AXDND1: variants seen among roughly 807,000 people sequenced by gnomAD.
AXDND1 encodes the protein axonemal dynein light chain domain-containing protein 1.
A neutral mutation model predicts 137.5 loss-of-function variants in AXDND1; 110 were observed. The ratio of observed to expected loss-of-function variants is 0.80; its 90% CI spans 0.69 to 0.94. AXDND1 has a LOEUF of 0.94. Among genes scored for constraint, AXDND1 ranks in the 40% least tolerant of loss-of-function variants. AXDND1 has a pLI of 0.00. For synonymous variants in AXDND1, 414 were observed against 399.7 expected (o/e 1.04, Z -0.43); for missense variants, 1,191 against 1,169.8 (o/e 1.02, Z -0.26).
chr1:179,448,436 A>G, intron 16 of AXDND1: 1 of 549,692 alleles, frequency 1.8e-6, no homozygotes, highest in Admixed American at 2.6e-5. Context: ...TTTCTTCTGC[A>G]CCATTTTCAG....
chr1:179,553,118 T>C lies in AXDND1; in HGVS notation c.3032-1394T>C, dbSNP rs372944040. On this transcript the variant is annotated intron_variant, in intron 25 of 25. Coordinates refer to ENST00000367618, the MANE Select transcript of AXDND1 (RefSeq NM_144696.6). Reference sequence around the variant, plus strand: ...CAACTGACCAAATAAGAACAACGCTTAATGTATTGCATAAAAGGTACAAAA... The same window carrying C: ...CAACTGACCAAATAAGAACAACGCTCAATGTATTGCATAAAAGGTACAAAA... Among the ~76,000 whole-genome samples, 6 of 152,328 alleles carry C rather than the reference T, an allele frequency of 3.9e-5. No individual in the cohort carries two copies. The South Asian group carries it at 8.3e-4, about 21-fold the overall frequency.
At chr1:179,470,866 A>G (rs1047672128) in intron 17 of AXDND1, among the ~76,000 whole-genome samples, 2 of 152,284 alleles carry the variant, frequency 1.3e-5, no homozygotes, top group African/African-American at 4.8e-5. Context: ...ACTATTAAGT[A>G]TAATGTTATT....
chr1:179,488,408 G>C (rs1009319314), intron 18 of AXDND1, among the ~76,000 whole-genome samples: 6 of 147,712 alleles, frequency 4.1e-5, no homozygotes, highest in Non-Finnish European at 8.9e-5. Context: ...AATTAAGTAT[G>C]TGTGTGGTTT....
rs540755903 is a variant in AXDND1 at position 179,366,805 on chromosome 1, A to G, written c.97+199A>G. 2.6e-5 allele frequency among the ~76,000 whole-genome samples: 4 copies of G among 152,240 alleles called. No homozygotes were observed. The South Asian group carries it at 8.3e-4, about 32-fold the overall frequency. ...AGTACTGTTTCACTACTCCATCTAAATACAGTTTATACTTTTTTTCAAATG... is the reference window on the plus strand; with the variant it reads ...AGTACTGTTTCACTACTCCATCTAAGTACAGTTTATACTTTTTTTCAAATG... On this transcript the variant is annotated intron_variant, in intron 2 of 25. Transcript: ENST00000367618.
chr1:179,409,761 C>T (rs1388516430), intron 11 of AXDND1, among the ~76,000 whole-genome samples: 11 of 152,142 alleles, frequency 7.2e-5, no homozygotes, highest in East Asian at 1.9e-4. Flanking sequence ...TGCAGTGATC[C>T]GAGATTGTGC....
At position 179,382,733 on chromosome 1, in the gene AXDND1, C is replaced by T. The variant is rs201321040; in HGVS notation, c.615C>T (p.Asn205=). 2.5e-6 allele frequency: 4 copies of T among 1,600,876 alleles called. No homozygotes were observed. The highest frequency in any genetic ancestry group is 2.7e-5 in the African/African-American group (2 of 74,716). ...CTACTCTCCTCACAGATAGTGAAAA[C>T]AGGCTATTGCTCTTCCCATCCATGT... ...KYTTLLTDSE[N]RLLLFPSMKP... is the part of the protein sequence containing the mutation. The change falls in exon 7 of 26, where the codon AAC becomes AAT. Residue 205 remains asparagine (N), a synonymous_variant. Transcript: ENST00000367618.
chr1:179,490,459 C>A (rs1005893698), intron 18 of AXDND1, among the ~76,000 whole-genome samples: 2 of 152,142 alleles, frequency 1.3e-5, no homozygotes, highest in East Asian at 1.9e-4. Flanking sequence ...ATTCACAGTG[C>A]CCTTTGGGTT....
At chr1:179,460,943 GA>G (rs1289309656) in intron 16 of AXDND1, among the ~76,000 whole-genome samples, 1 of 152,282 alleles carries the variant, frequency 6.6e-6, no homozygotes, top group East Asian at 1.9e-4. Flanking sequence ...TGTGGACTCT[GA>G]ATATTAGCCC....
intron 13 of AXDND1, 27 bp downstream of exon 13, chr1:179,429,646 G>A: frequency 1.4e-6 from 2 of 1,410,466 alleles, no homozygotes; most frequent in South Asian, 2.8e-5. Flanking sequence ...TTCAGTTATG[G>A]GAAAAAAAGA....
At chr1:179,438,901 G>A (rs570620373) in intron 15 of AXDND1, among the ~76,000 whole-genome samples, 6 of 152,012 alleles carry the variant, frequency 3.9e-5, no homozygotes, top group African/African-American at 7.2e-5. Context: ...CTTCTATATC[G>A]TCTCTTGAAT....
intron 4 of AXDND1, among the ~76,000 whole-genome samples, chr1:179,376,448 A>G (rs1435763017): frequency 2.6e-5 from 4 of 152,166 alleles, no homozygotes; most frequent in Admixed American, 6.5e-5. Flanking sequence ...AAGCAGACCC[A>G]TACAGTTCAA....
rs531989134 is a variant in AXDND1, at chr1:179,542,757, T to C, written c.3031+7795T>C. On this transcript the variant is annotated intron_variant, in intron 25 of 25. Transcript: ENST00000367618. Reference sequence around the variant, plus strand: ...CGGTTAAATCCAGAACTGAGAAGTTTTAATTATTTAAGGTAGAGAATAGCT... The same window carrying C: ...CGGTTAAATCCAGAACTGAGAAGTTCTAATTATTTAAGGTAGAGAATAGCT... Among the ~76,000 whole-genome samples the C allele has an allele frequency of 8.5e-5, 13 of 152,324 alleles. No homozygotes were observed. In the South Asian group the frequency reaches 2.5e-3, roughly 29 times the overall value.
At chr1:179,533,559 C>T (rs1671224536) in intron 23 of AXDND1, among the ~76,000 whole-genome samples, 1 of 149,702 alleles carries the variant, frequency 6.7e-6, no homozygotes, top group South Asian at 2.1e-4. Context: ...CAATTCAAAT[C>T]AAATTCTTAT....
chr1:179,509,360 T>C lies in AXDND1; in HGVS notation c.2453T>C (p.Ile818Thr). Residue 818 changes from isoleucine to threonine, a missense_variant, in exon 21 of 26, where the codon ATT becomes ACT. Transcript: ENST00000367618. The part of the protein sequence containing the change: ...CLLSNIKGRK[I>T]TLLTYEEIER... Reference sequence around the variant, plus strand: ...CTTTCTAATATCAAAGGCAGAAAAATTACATTATTGACATATGAAGAAATA... The same window carrying C: ...CTTTCTAATATCAAAGGCAGAAAAACTACATTATTGACATATGAAGAAATA... The C allele has an allele frequency of 6.2e-7, 1 of 1,612,624 alleles. No homozygotes were observed. Among genetic ancestry groups the C allele is most frequent in the South Asian group, 1.1e-5 (1 of 91,020 alleles).
chr1:179,393,916 C>T lies in AXDND1; in HGVS notation c.877C>T (p.Gln293Ter), dbSNP rs1650600244. ...LLSKVRERYVQMLDQIARQMI... is the reference protein window; with the variant it reads ...LLSKVRERYV ...TTTGTCATGCAGAGAGAGGTATGTG[C>T]AAATGCTTGACCAGATTGCTCGGCA... Residue 293 changes from glutamine to a stop codon, truncating the protein, a stop_gained, in exon 10 of 26, where the codon CAA becomes TAA. Transcript: ENST00000367618. LOFTEE classifies it high-confidence loss of function. The T allele has an allele frequency of 1.9e-6, 3 of 1,606,306 alleles. No homozygotes were observed. The highest frequency in any genetic ancestry group is 2.5e-6 in the Non-Finnish European group (3 of 1,177,416).
In AXDND1 at chr1:179,366,600, A is replaced by T; in HGVS notation, c.91A>T (p.Thr31Ser). 1 of 1,608,118 alleles carries T rather than the reference A, an allele frequency of 6.2e-7. No individual in the cohort carries two copies. Among genetic ancestry groups the T allele is most frequent in the East Asian group, 2.2e-5 (1 of 44,850 alleles). ...AAAAGTGTCTGTAGCCAAGGAAGGG[A>T]CAAGAGGTAAACTTCGTTGATTCTG... ...KLKVSVAKEG[T>S]RGLPELKEKK... Residue 31 changes from threonine to serine, a missense_variant, in exon 2 of 26, where the codon ACA becomes TCA. Thr to Ser is a moderately conservative substitution (Grantham distance 58). Transcript: ENST00000367618.
chr1:179,522,152 T>C (rs1670120382), intron 21 of AXDND1, among the ~76,000 whole-genome samples: 1 of 152,166 alleles, frequency 6.6e-6, no homozygotes, highest in South Asian at 2.1e-4. Context: ...CAATCCCCCA[T>C]GTCTCTTAAC....
At position 179,368,827 on chromosome 1, in the gene AXDND1, A is replaced by T; in HGVS notation, c.125A>T (p.Asn42Ile). 1 of 1,612,472 alleles carries T rather than the reference A, an allele frequency of 6.2e-7. No homozygotes were observed. The highest frequency in any genetic ancestry group is 8.5e-7 in the Non-Finnish European group (1 of 1,179,420). Residue 42 changes from asparagine (N) to isoleucine (I), a missense_variant, in exon 3 of 26, where the codon AAT (asparagine) becomes ATT (isoleucine). Asn to Ile is a moderately radical substitution (Grantham distance 149). Transcript: ENST00000367618. ...CTTCCTGAGCTAAAGGAGAAAAAAA[A>T]TATGGTGGATCGTTCAAAACTCCTT... ...RGLPELKEKK[N>I]MVDRSKLLPT...
intron 18 of AXDND1, among the ~76,000 whole-genome samples, chr1:179,485,735 TC>T (rs1665959917): frequency 9.2e-6 from 1 of 109,074 alleles, no homozygotes; most frequent in Non-Finnish European, 2.0e-5. Flanking sequence ...GGAACAAAGA[TC>T]ATCAACGTAC....
Sources: allele counts gnomAD v4.1 joint callset (sites outside exome capture counted in the v4.1 genomes callset), GRCh38; gene constraint gnomAD v4.1.1; transcripts MANE v1.5; gene names NCBI Gene and HGNC (gene_info 2026-07-23, HGNC 2026-07-21).